Variants in ESR1 observed in about 807,000 individuals in gnomAD.
ESR1 encodes estrogen receptor 1.
Under a neutral mutation model 52.7 loss-of-function variants are expected in ESR1, and 12 were observed. That is an observed-to-expected ratio of 0.23 (90% CI 0.15 to 0.37). The LOEUF (loss-of-function observed/expected upper bound fraction) is 0.37, where lower values mean the gene tolerates loss of function less well. Ranked by LOEUF, ESR1 falls within the 10% of genes least tolerant of loss-of-function variation. The pLI is 1.00. For missense variants in ESR1, 584 were observed against 779.7 expected, an observed-to-expected ratio of 0.75 and a Z score of 2.99; for synonymous variants, 305 against 316.8, an observed-to-expected ratio of 0.96 and a Z score of 0.39.
intron 4 of ESR1, among the ~76,000 whole-genome samples, chr6:151,986,820 G>A (rs1326451894): frequency 1.3e-5 from 2 of 152,196 alleles, no homozygotes; most frequent in East Asian, 3.9e-4. Flanking sequence ...TAAAGAATAT[G>A]AATCATTTGT....
At chr6:152,117,616 AT>A (rs2051225404) in intron 6 of ESR1, among the ~76,000 whole-genome samples, 1 of 152,222 alleles carries the variant, frequency 6.6e-6, no homozygotes, top group Non-Finnish European at 1.5e-5. Flanking sequence ...AGCTCCCTAG[AT>A]TAAATGTTCT....
rs538457943 is a variant in ESR1 at position 151,894,178 on chromosome 6, T to A, written c.760+13407T>A. Among the ~76,000 whole-genome samples, 11 of 152,330 alleles carry A rather than the reference T, an allele frequency of 7.2e-5. No individual in the cohort carries two copies. In the South Asian group the frequency reaches 2.3e-3, roughly 32 times the overall value. ...GTTGAGTATTTTTTCATATGTTTGT[T>A]GGCCACTTTGTATCTTCTTTTGAGA... is the stretch of plus-strand genomic sequence containing the variant. On this transcript the variant is annotated intron_variant, in intron 3 of 7. Coordinates refer to ENST00000206249, the MANE Select transcript of ESR1 (RefSeq NM_000125.4).
At position 152,061,781 on chromosome 6, in the gene ESR1, G is replaced by GCT. The variant is rs2128961006; in HGVS notation, c.1369+657_1369+658insCT. 6.6e-6 allele frequency among the ~76,000 whole-genome samples: 1 copy of GCT among 152,212 alleles called. No individual in the cohort carries two copies. Among genetic ancestry groups the GCT allele is most frequent in the African/African-American group, 2.4e-5 (1 of 41,526 alleles). Reference sequence around the variant, plus strand: ...TTGTTTTGTTTTTGTTTTCAATGTAGTGAGGCTGGCTGTTGTATAAAGAGT... The same window carrying GCT: ...TTGTTTTGTTTTTGTTTTCAATGTAGCTTGAGGCTGGCTGTTGTATAAAGAGT... On this transcript the variant is annotated intron_variant, in intron 6 of 7. Coordinates refer to ENST00000206249, the MANE Select transcript of ESR1 (RefSeq NM_000125.4). The surrounding 1 kb of genome is among the most constrained non-coding windows in gnomAD (Gnocchi z 4.3).
intron 1 of ESR1, among the ~76,000 whole-genome samples, chr6:151,698,183 T>G (rs890141910): frequency 1.3e-5 from 2 of 151,346 alleles, no homozygotes; most frequent in Non-Finnish European, 2.9e-5. Flanking sequence ...CTGGGCAACA[T>G]GGCGAAACCC....
intron 2 of ESR1, among the ~76,000 whole-genome samples, chr6:151,762,324 G>A (rs1228958490): frequency 1.3e-5 from 2 of 152,206 alleles, no homozygotes; most frequent in Admixed American, 6.5e-5. Flanking sequence ...TGTACAGCTT[G>A]TAGTAAAACA....
intron 3 of ESR1, among the ~76,000 whole-genome samples, chr6:151,886,857 A>G (rs568979326): frequency 6.6e-6 from 1 of 152,154 alleles, no homozygotes; most frequent in South Asian, 2.1e-4. Flanking sequence ...CCTGACCAAC[A>G]TGGTATAACC....
intron 2 of ESR1, among the ~76,000 whole-genome samples, chr6:151,768,132 T>C (rs1162259992): frequency 6.6e-6 from 1 of 152,168 alleles, no homozygotes; most frequent in African/African-American, 2.4e-5. Flanking sequence ...TACCTCCACA[T>C]AGGATACTTA....
chr6:151,753,319 A>ATTT (rs34402963), intron 2 of ESR1, among the ~76,000 whole-genome samples: 1,735 of 137,350 alleles, frequency 0.013, 44 homozygotes, highest in African/African-American at 0.045. Context: ...ATTTGATTGC[A>ATTT]TTTTTTTTTT....
intron 2 of ESR1, among the ~76,000 whole-genome samples, chr6:151,746,422 T>C (rs1052650053): frequency 6.6e-6 from 1 of 152,212 alleles, no homozygotes; most frequent in Non-Finnish European, 1.5e-5. Context: ...TTGTCTTAAA[T>C]GAGTCATCAT....
chr6:151,677,759 C>G (rs1416233757), intron 1 of ESR1, among the ~76,000 whole-genome samples: 4 of 152,178 alleles, frequency 2.6e-5, no homozygotes, highest in African/African-American at 9.7e-5. Context: ...CTGTTTACCC[C>G]TTTGCCCACA....
chr6:151,734,874 G>A (rs1024002438), intron 2 of ESR1, among the ~76,000 whole-genome samples: 4 of 151,804 alleles, frequency 2.6e-5, no homozygotes, highest in East Asian at 1.9e-4. Context: ...TGCCTGCCTC[G>A]GCCTTCCAAA....
chr6:151,687,583 T>C (rs994169543), upstream of ESR1, among the ~76,000 whole-genome samples: 7 of 152,166 alleles, frequency 4.6e-5, no homozygotes, highest in Non-Finnish European at 8.8e-5. Flanking sequence ...TGATTTTTTA[T>C]TTTAGCCTGA....
intron 1 of ESR1, chr6:151,701,783 T>G (rs572841447): frequency 6.6e-6 from 1 of 152,284 alleles, no homozygotes; most frequent in East Asian, 1.9e-4. Context: ...CAGCCTTATT[T>G]CACTTAAGTG....
chr6:151,972,302 A>T (rs539423799), intron 4 of ESR1, among the ~76,000 whole-genome samples: 1 of 152,328 alleles, frequency 6.6e-6, no homozygotes, highest in East Asian at 1.9e-4. Context: ...AAATCATTTT[A>T]TGAAGCCAGT....
chr6:152,024,670 TA>T (rs1250083283), intron 5 of ESR1, among the ~76,000 whole-genome samples: 2 of 147,722 alleles, frequency 1.4e-5, no homozygotes, highest in East Asian at 1.9e-4. Flanking sequence ...TATATGTATA[TA>T]AAAATATATA....
chr6:151,890,357 G>A (rs1794520865), intron 3 of ESR1, among the ~76,000 whole-genome samples: 2 of 152,138 alleles, frequency 1.3e-5, no homozygotes, highest in Admixed American at 1.3e-4. Context: ...AAAGTGCTGG[G>A]ATTACAGGAG....
Position 152,094,545 on chromosome 6 carries a change from C to T in ESR1, c.1530C>T (p.Ile510=). Reference sequence around the variant, plus strand: ...AGCGGCTGGCCCAGCTCCTCCTCATCCTCTCCCACATCAGGCACATGAGGT... The same window carrying T: ...AGCGGCTGGCCCAGCTCCTCCTCATTCTCTCCCACATCAGGCACATGAGGT... The part of the protein sequence containing the change: ...QHQRLAQLLL[I]LSHIRHMSNK... Residue 510 remains isoleucine, a synonymous_variant, in exon 7 of 8, where the codon ATC becomes ATT. Coordinates refer to ENST00000206249, the MANE Select transcript of ESR1 (RefSeq NM_000125.4). The surrounding 1 kb of genome is among the most constrained non-coding windows in gnomAD (Gnocchi z 4.6). 1 of 1,614,106 alleles carries T rather than the reference C, an allele frequency of 6.2e-7. No individual in the cohort carries two copies. The highest frequency in any genetic ancestry group is 8.5e-7 in the Non-Finnish European group (1 of 1,180,032).
At chr6:151,712,028 T>A (rs1026717394) in intron 2 of ESR1, among the ~76,000 whole-genome samples, 5 of 152,176 alleles carry the variant, frequency 3.3e-5, no homozygotes, top group African/African-American at 1.2e-4. Context: ...GTATAAGGTG[T>A]AAGGAAGGGA....
chr6:152,016,026 A>G (rs1312761701), intron 5 of ESR1, among the ~76,000 whole-genome samples: 1 of 152,122 alleles, frequency 6.6e-6, no homozygotes. Context: ...GGCCAGGTGG[A>G]GATAATTGAA....
Sources: gnomAD v4.1 joint callset for allele counts (sites outside exome capture counted in the v4.1 genomes callset) on GRCh38, gnomAD v4.1.1 for gene constraint, Gnocchi (gnomAD v3.1) non-coding constraint, MANE v1.5 for transcripts, NCBI Gene and HGNC (gene_info 2026-07-23, HGNC 2026-07-21) for gene names.